Variants in SLC9A9 observed in about 807,000 individuals in gnomAD.
SLC9A9 encodes the protein sodium/hydrogen exchanger 9.
Under a neutral mutation model 77.8 loss-of-function variants are expected in SLC9A9, and 62 were observed. The ratio of observed to expected loss-of-function variants is 0.80; its 90% CI spans 0.65 to 0.98. SLC9A9 has a LOEUF of 0.98. Among genes scored for constraint, SLC9A9 ranks in the 50% least tolerant of loss-of-function variants. SLC9A9 has a pLI of 0.00. For missense variants in SLC9A9, 775 were observed against 774.9 expected (o/e 1.00, Z 0.00); for synonymous variants, 320 against 283.5 (o/e 1.13, Z -1.29).
rs1236176249 is a variant in SLC9A9 at position 143,392,238 on chromosome 3, C to G, written c.1470-10124G>C. The stretch of plus-strand genomic sequence containing the variant: ...TACCCACAAAGGGAAGCCCATCAGA[C>G]TAACAGCTGATGTTTCAGCAGAAAC... On this transcript the variant is annotated intron_variant, in intron 12 of 15. Coordinates refer to ENST00000316549, the MANE Select transcript of SLC9A9 (RefSeq NM_173653.4). 4.6e-5 allele frequency among the ~76,000 whole-genome samples: 7 copies of G among 152,282 alleles called. 1 individual carries two copies. Among genetic ancestry groups the G allele is most frequent in the Admixed American group, 3.9e-4 (6 of 15,302 alleles).
At chr3:143,327,905 C>T (rs2031650820) in intron 14 of SLC9A9, among the ~76,000 whole-genome samples, 1 of 152,200 alleles carries the variant, frequency 6.6e-6, no homozygotes, top group African/African-American at 2.4e-5. Context: ...ACTAACTAGT[C>T]TAATTCCTCT....
intron 4 of SLC9A9, among the ~76,000 whole-genome samples, chr3:143,760,812 G>T (rs1238970767): frequency 6.6e-6 from 1 of 152,126 alleles, no homozygotes; most frequent in Non-Finnish European, 1.5e-5. Flanking sequence ...AGCTACCAAT[G>T]ACTTTCTTCA....
Position 143,761,117 on chromosome 3 carries a change from G to A in SLC9A9, c.533+33884C>T, listed in dbSNP as rs1272671525. On this transcript the variant is annotated intron_variant, in intron 4 of 15. Transcript: ENST00000316549. ...AAGGATTCCCTATTTAATAAATGGT[G>A]CTGGGAAAACTGGCTAGCCATATGT... is the stretch of plus-strand genomic sequence containing the variant. Among the ~76,000 whole-genome samples, 3 of 152,286 alleles carry A rather than the reference G, an allele frequency of 2.0e-5. No homozygotes were observed. In the East Asian group the frequency reaches 5.8e-4, roughly 29 times the overall value.
chr3:143,388,195 T>G (rs1051617375), intron 12 of SLC9A9, among the ~76,000 whole-genome samples: 1 of 152,166 alleles, frequency 6.6e-6, no homozygotes, highest in Non-Finnish European at 1.5e-5. Flanking sequence ...AGAATATCAC[T>G]TGGGGGCCAA....
chr3:143,265,689 G>T lies in SLC9A9; in HGVS notation c.*1013C>A, dbSNP rs1329064872. 2.4e-5 allele frequency: 10 copies of T among 410,028 alleles called. No individual in the cohort carries two copies. Among genetic ancestry groups the T allele is most frequent in the Non-Finnish European group, 4.3e-5 (10 of 234,014 alleles). The allele number at this position is 410,028 out of a possible 1,614,324, so 25.4% of individuals were successfully genotyped here. Reference sequence around the variant, plus strand: ...GAATGCAGGCCATGAGCCACGCCTTGTAAGGGGGAGACCTGAGGCCCTGTC... The same window carrying T: ...GAATGCAGGCCATGAGCCACGCCTTTTAAGGGGGAGACCTGAGGCCCTGTC... On this transcript the variant is annotated 3_prime_UTR_variant, in exon 16 of 16. Transcript: ENST00000316549.
intron 5 of SLC9A9, among the ~76,000 whole-genome samples, chr3:143,688,179 G>A (rs769504695): frequency 1.3e-5 from 2 of 151,202 alleles, no homozygotes; most frequent in Non-Finnish European, 2.9e-5. Flanking sequence ...TAGAACTCTT[G>A]GCCTCAAGCA....
chr3:143,566,019 C>CT (rs1176356999), intron 8 of SLC9A9, among the ~76,000 whole-genome samples: 4 of 152,080 alleles, frequency 2.6e-5, no homozygotes, highest in Non-Finnish European at 4.4e-5. Flanking sequence ...TAAAAGCCTT[C>CT]TTAAGAGTTT....
chr3:143,610,305 C>T (rs965042720), intron 6 of SLC9A9, among the ~76,000 whole-genome samples: 3 of 152,102 alleles, frequency 2.0e-5, no homozygotes, highest in Non-Finnish European at 4.4e-5. Context: ...TGCCACCACA[C>T]CCAGTTAATT....
intron 6 of SLC9A9, among the ~76,000 whole-genome samples, chr3:143,622,432 C>T (rs1383923468): frequency 1.3e-5 from 2 of 152,196 alleles, no homozygotes; most frequent in African/African-American, 4.8e-5. Flanking sequence ...AGAAACTCTA[C>T]AAGCCAGAAG....
intron 9 of SLC9A9, among the ~76,000 whole-genome samples, chr3:143,533,080 C>G (rs1278590587): frequency 6.6e-6 from 1 of 152,228 alleles, no homozygotes; most frequent in African/African-American, 2.4e-5. Flanking sequence ...CATGTGGGCC[C>G]AGGCCTGTAC....
chr3:143,826,847 C>G (rs1296264609), intron 2 of SLC9A9, among the ~76,000 whole-genome samples: 2 of 152,150 alleles, frequency 1.3e-5, no homozygotes, highest in African/African-American at 2.4e-5. Flanking sequence ...AGAAATCTTT[C>G]CTATTACCCT....
chr3:143,282,761 T>C (rs1938262129), intron 14 of SLC9A9, among the ~76,000 whole-genome samples: 1 of 152,202 alleles, frequency 6.6e-6, no homozygotes, highest in African/African-American at 2.4e-5. Flanking sequence ...ATCATGGAGC[T>C]CTGTTAACCA....
At chr3:143,791,582 C>G (rs1057259372) in intron 4 of SLC9A9, among the ~76,000 whole-genome samples, 5 of 152,178 alleles carry the variant, frequency 3.3e-5, no homozygotes, top group Admixed American at 6.5e-5. Context: ...CTACATGAAA[C>G]CTACTCTCCA....
chr3:143,794,938 G>C, intron 4 of SLC9A9, 63 bp downstream of exon 4: 2 of 1,406,026 alleles, frequency 1.4e-6, no homozygotes, highest in Non-Finnish European at 1.0e-6. Flanking sequence ...GGAAGTGTTA[G>C]ATCCCTCACA....
At chr3:143,606,436 C>CTCTCTCTCTATATATATATATATATATA (rs1419410834) in intron 6 of SLC9A9, among the ~76,000 whole-genome samples, 2 of 54,210 alleles carry the variant, frequency 3.7e-5, no homozygotes, top group African/African-American at 1.5e-4. Flanking sequence ...CTCTCTCTCT[C>CTCTCTCTCTATATATATATATATATATA]TATATATATA....
Position 143,540,778 on chromosome 3 carries a change from TC to T in SLC9A9, c.1089+11583del, listed in dbSNP as rs199945083. Among the ~76,000 whole-genome samples, 819 of 152,308 alleles carry T rather than the reference TC, an allele frequency of 5.4e-3. 7 individuals carry two copies. Among genetic ancestry groups the T allele is most frequent in the Non-Finnish European group, 9.4e-3 (639 of 68,018 alleles). ...GACTATAAAATCTGATTAATAATAG[TC>T]TTCACCTTGTAGATTTTATGTGAAC... On this transcript the variant is annotated intron_variant, in intron 9 of 15. Coordinates refer to ENST00000316549, the MANE Select transcript of SLC9A9 (RefSeq NM_173653.4).
chr3:143,819,499 T>C (rs2009113709), intron 2 of SLC9A9, among the ~76,000 whole-genome samples: 1 of 152,230 alleles, frequency 6.6e-6, no homozygotes, highest in Non-Finnish European at 1.5e-5. Context: ...TAAATCAAAC[T>C]TGACCAAGTC....
intron 14 of SLC9A9, among the ~76,000 whole-genome samples, chr3:143,304,774 C>T (rs549638366): frequency 1.2e-4 from 18 of 152,292 alleles, no homozygotes; most frequent in Admixed American, 2.0e-4. Context: ...TGGTTTAACA[C>T]CCTCCCATTT....
chr3:143,537,150 GTC>G (rs1184644805), intron 9 of SLC9A9, among the ~76,000 whole-genome samples: 12 of 152,206 alleles, frequency 7.9e-5, no homozygotes, highest in Non-Finnish European at 1.5e-4. Flanking sequence ...AGCATCTGGT[GTC>G]TTTCTAGATG....
Sources: allele counts gnomAD v4.1 joint callset (sites outside exome capture counted in the v4.1 genomes callset), GRCh38; gene constraint gnomAD v4.1.1; transcripts MANE v1.5; gene names NCBI Gene and HGNC (gene_info 2026-07-23, HGNC 2026-07-21).